The following EYA2 variants were observed in gnomAD, a reference collection of about 807,000 sequenced individuals.
EYA2 encodes the protein protein phosphatase EYA2.
Under a neutral mutation model 69.2 loss-of-function variants are expected in EYA2, and 31 were observed. The ratio of observed to expected loss-of-function variants is 0.45; its 90% CI spans 0.34 to 0.60. The LOEUF (loss-of-function observed/expected upper bound fraction) is 0.60. Ranked by LOEUF, EYA2 falls within the 20% of genes least tolerant of loss-of-function variation. EYA2 has a pLI of 0.02. For missense variants in EYA2, 622 were observed against 701.2 expected (o/e 0.89, Z 1.28); for synonymous variants, 257 against 279.4 (o/e 0.92, Z 0.80).
chr20:47,145,470 T>G (rs1050084311), intron 10 of EYA2, among the ~76,000 whole-genome samples: 2 of 152,110 alleles, frequency 1.3e-5, no homozygotes, highest in South Asian at 2.1e-4. Context: ...GCAGGAGATA[T>G]TACAGCAATC....
chr20:46,897,980 G>A (rs1983896513), intron 1 of EYA2, among the ~76,000 whole-genome samples: 1 of 152,054 alleles, frequency 6.6e-6, no homozygotes, highest in Admixed American at 6.5e-5. Context: ...GTCACGTGCG[G>A]GGCAGTGTAA....
At chr20:46,895,300 CGGTGTAGACGCGGCTG>C (rs991089867) in intron 1 of EYA2, among the ~76,000 whole-genome samples, 2 of 152,164 alleles carry the variant, frequency 1.3e-5, no homozygotes, top group African/African-American at 4.8e-5. Context: ...GGCGCGCAGG[CGGTGTAGACGCGGCTG>C]GGTCCTTGGC....
chr20:46,905,212 A>G (rs1180022192), intron 1 of EYA2, among the ~76,000 whole-genome samples: 5 of 152,060 alleles, frequency 3.3e-5, no homozygotes, highest in Non-Finnish European at 7.3e-5. Flanking sequence ...AAAATACATG[A>G]TATACATGTG....
chr20:47,089,917 G>A (rs1177018153), intron 8 of EYA2, among the ~76,000 whole-genome samples: 1 of 152,092 alleles, frequency 6.6e-6, no homozygotes, highest in Non-Finnish European at 1.5e-5. Context: ...GGGGGGAGGA[G>A]GGGAGTTTTA....
At chr20:47,137,225 A>G (rs990747509) in intron 9 of EYA2, among the ~76,000 whole-genome samples, 2 of 152,160 alleles carry the variant, frequency 1.3e-5, no homozygotes, top group African/African-American at 4.8e-5. Context: ...AGAATATGTA[A>G]TGCTTCAGAA....
intron 14 of EYA2, among the ~76,000 whole-genome samples, chr20:47,182,046 T>A (rs6094622): frequency 3.3e-5 from 5 of 151,374 alleles, no homozygotes; most frequent in African/African-American, 7.3e-5. Context: ...ATGGAGTTTC[T>A]CTCTTGTTGC....
intron 4 of EYA2, among the ~76,000 whole-genome samples, chr20:47,006,321 G>A (rs6018228): frequency 0.06 from 9,131 of 152,248 alleles, 810 homozygotes; most frequent in African/African-American, 0.2. Flanking sequence ...GTGAGGCAGG[G>A]GTGGTTCACA....
intron 5 of EYA2, among the ~76,000 whole-genome samples, chr20:47,022,784 G>A (rs1245239181): frequency 1.3e-5 from 2 of 150,468 alleles, no homozygotes; most frequent in Non-Finnish European, 3.0e-5. Context: ...CTTCCGAGTA[G>A]CTGGGACTAG....
At chr20:47,090,701 C>G (rs1208638344) in intron 8 of EYA2, among the ~76,000 whole-genome samples, 1 of 152,160 alleles carries the variant, frequency 6.6e-6, no homozygotes, top group African/African-American at 2.4e-5. Context: ...ACTTATTTAA[C>G]AAAAATCCCT....
intron 10 of EYA2, among the ~76,000 whole-genome samples, chr20:47,151,226 C>T (rs1290900800): frequency 6.6e-6 from 1 of 151,912 alleles, no homozygotes; most frequent in East Asian, 2.0e-4. Context: ...CAAAAACTAG[C>T]AGGTCATCGT....
chr20:46,932,252 G>A (rs561104080), intron 1 of EYA2, among the ~76,000 whole-genome samples: 2 of 152,014 alleles, frequency 1.3e-5, no homozygotes, highest in South Asian at 2.1e-4. Context: ...TCCACCTGGC[G>A]TACCCTCTTT....
chr20:47,182,628 T>TAAAAAAAAAAA (rs772113561), intron 14 of EYA2, among the ~76,000 whole-genome samples: 1 of 84,340 alleles, frequency 1.2e-5, no homozygotes, highest in African/African-American at 6.5e-5. Context: ...AGACTCCGTC[T>TAAAAAAAAAAA]AAAAAAAAAA....
At chr20:47,180,416 G>A (rs1033873132) in intron 13 of EYA2, among the ~76,000 whole-genome samples, 2 of 152,112 alleles carry the variant, frequency 1.3e-5, no homozygotes, top group Non-Finnish European at 2.9e-5. Context: ...ACTTTTCAGG[G>A]CCCAACAGGT....
intron 4 of EYA2, among the ~76,000 whole-genome samples, chr20:47,015,290 G>A (rs990672978): frequency 6.6e-6 from 1 of 152,188 alleles, no homozygotes. Context: ...GCTGATGATG[G>A]TTAGCCTCTC....
intron 5 of EYA2, among the ~76,000 whole-genome samples, chr20:47,026,501 ACAAG>A (rs1321810238): frequency 1.3e-5 from 2 of 152,142 alleles, no homozygotes; most frequent in African/African-American, 2.4e-5. Flanking sequence ...ATGACAAAAA[ACAAG>A]CAAACAAACA....
intron 5 of EYA2, among the ~76,000 whole-genome samples, chr20:47,039,015 G>T (rs1984880982): frequency 6.6e-6 from 1 of 152,140 alleles, no homozygotes; most frequent in Non-Finnish European, 1.5e-5. Flanking sequence ...CACCCAGCCT[G>T]GGTCCCTGGC....
rs191605054 is a variant in EYA2 at position 47,142,210 on chromosome 20, C to A, written c.889-849C>A. Among the ~76,000 whole-genome samples the A allele has an allele frequency of 2.2e-3, 333 of 152,304 alleles. 2 individuals carry two copies. Among genetic ancestry groups the A allele is most frequent in the African/African-American group, 7.8e-3 (324 of 41,572 alleles). The stretch of plus-strand genomic sequence containing the variant: ...TAGTCATACAAAAACAAGCAGCAGG[C>A]CAGGTATGGCGTGGGGGCTGCAGCT... On this transcript the variant is annotated intron_variant, in intron 9 of 15. Transcript: ENST00000327619.
chr20:46,993,098 T>G (rs1312315611), intron 2 of EYA2, among the ~76,000 whole-genome samples: 4 of 152,168 alleles, frequency 2.6e-5, no homozygotes, highest in Non-Finnish European at 5.9e-5. Flanking sequence ...CACCTCTGCT[T>G]CTTACCAGCT....
intron 10 of EYA2, among the ~76,000 whole-genome samples, chr20:47,152,510 G>A (rs116025270): frequency 0.017 from 2,566 of 151,714 alleles, 77 homozygotes; most frequent in African/African-American, 0.059. Flanking sequence ...ATAGGGGGGC[G>A]CATTAGAAAC....
Sources: gnomAD v4.1 joint callset for allele counts (sites outside exome capture counted in the v4.1 genomes callset) on GRCh38, gnomAD v4.1.1 for gene constraint, MANE v1.5 for transcripts, NCBI Gene and HGNC (gene_info 2026-07-23, HGNC 2026-07-21) for gene names.